Variants in SEZ6L observed in about 807,000 individuals in gnomAD.
SEZ6L encodes seizure 6-like protein.
SEZ6L carries 37 observed loss-of-function variants against 106.2 expected under a neutral mutation model. The observed-to-expected ratio is 0.35, with a 90% CI of 0.27 to 0.46. The LOEUF (loss-of-function observed/expected upper bound fraction) is 0.46, where lower values mean the gene tolerates loss of function less well. SEZ6L is among the 20% of genes least tolerant of loss of function. The probability of loss-of-function intolerance (pLI) is 1.00; values close to 1 mark genes in which losing one functional copy is unlikely to be tolerated. For missense variants in SEZ6L, 1,172 were observed against 1,332.8 expected, an observed-to-expected ratio of 0.88 and a Z score of 1.88; for synonymous variants, 541 against 570.4, an observed-to-expected ratio of 0.95 and a Z score of 0.73.
At chr22:26,274,706 T>C (rs2080484365) in intron 1 of SEZ6L, among the ~76,000 whole-genome samples, 1 of 151,974 alleles carries the variant, frequency 6.6e-6, no homozygotes, top group Admixed American at 6.6e-5. Context: ...TGAGGCAGAG[T>C]CCTAGAAACC....
At chr22:26,361,343 C>CAAAAAAAAAAAAAAAAA (rs150251826) in intron 12 of SEZ6L, among the ~76,000 whole-genome samples, 3 of 133,392 alleles carry the variant, frequency 2.2e-5, no homozygotes, top group Non-Finnish European at 4.8e-5. Flanking sequence ...ACTAAAAATA[C>CAAAAAAAAAAAAAAAAA]AAAAACAAAA....
At position 26,381,028 on chromosome 22, in the gene SEZ6L, A is replaced by AG. The variant is rs2084394726; in HGVS notation, c.*738dup. The AG allele has an allele frequency of 6.6e-6, 1 of 152,174 alleles. No homozygotes were observed. Among genetic ancestry groups the AG allele is most frequent in the Non-Finnish European group, 1.5e-5 (1 of 68,030 alleles). The allele number at this position is 152,174 out of a possible 1,614,324, so 9.4% of individuals were successfully genotyped here. On this transcript the variant is annotated 3_prime_UTR_variant, in exon 17 of 17. Transcript: ENST00000248933. ...GAGAGTTCCAATGAAGAATTGGGTG[A>AG]GGGGGATCATTGGGTAAGGGAATTG...
intron 12 of SEZ6L, among the ~76,000 whole-genome samples, chr22:26,358,282 G>C (rs684675): frequency 0.28 from 42,093 of 152,106 alleles, 6,724 homozygotes; most frequent in Middle Eastern, 0.45. Flanking sequence ...AAACCAGCAC[G>C]TCCAGGTTTG....
intron 1 of SEZ6L, among the ~76,000 whole-genome samples, chr22:26,252,015 G>A (rs1258791767): frequency 6.6e-6 from 1 of 152,062 alleles, no homozygotes; most frequent in Admixed American, 6.5e-5. Context: ...TGTGAATGGC[G>A]GCAGCAGGAG....
chr22:26,203,571 A>G (rs1477238824), intron 1 of SEZ6L, among the ~76,000 whole-genome samples: 2 of 152,204 alleles, frequency 1.3e-5, no homozygotes, highest in African/African-American at 2.4e-5. Flanking sequence ...CTTCCTATAT[A>G]AAATAAGGAT....
At chr22:26,305,890 CT>C in intron 5 of SEZ6L, 88 bp from the exon 6 acceptor site, 1 of 189,010 alleles carries the variant, frequency 5.3e-6, no homozygotes. Flanking sequence ...TCACTTCCTT[CT>C]CTCTCTCTCT....
chr22:26,307,478 TA>T (rs34235682), intron 6 of SEZ6L, among the ~76,000 whole-genome samples: 31,009 of 145,240 alleles, frequency 0.21, 3,490 homozygotes, highest in Non-Finnish European at 0.26. Context: ...TGGAAAGACT[TA>T]AAAAAAAAAA....
chr22:26,214,335 G>A (rs1355484351), intron 1 of SEZ6L, among the ~76,000 whole-genome samples: 1 of 152,200 alleles, frequency 6.6e-6, no homozygotes, highest in Admixed American at 6.5e-5. Flanking sequence ...GATTAAAGAA[G>A]TAGATGCATG....
At chr22:26,191,071 C>T (rs1233864630) in intron 1 of SEZ6L, among the ~76,000 whole-genome samples, 1 of 152,126 alleles carries the variant, frequency 6.6e-6, no homozygotes, top group African/African-American at 2.4e-5. Flanking sequence ...AGTGACTTGT[C>T]ATTGGTTGTA....
At chr22:26,353,520 GC>G (rs925417810) in intron 12 of SEZ6L, among the ~76,000 whole-genome samples, 6 of 152,202 alleles carry the variant, frequency 3.9e-5, no homozygotes, top group African/African-American at 1.4e-4. Context: ...ACTAAACCTA[GC>G]CCCTTAACCA....
At chr22:26,313,137 G>A (rs1485615773) in intron 8 of SEZ6L, among the ~76,000 whole-genome samples, 1 of 152,230 alleles carries the variant, frequency 6.6e-6, no homozygotes, top group Admixed American at 6.5e-5. Flanking sequence ...ACCTGCCGCA[G>A]CCACATCTCT....
At position 26,381,489 on chromosome 22, in the gene SEZ6L, G is replaced by A. The variant is rs2084409818; in HGVS notation, c.*1194G>A. 6.6e-6 allele frequency: 1 copy of A among 152,460 alleles called. No homozygotes were observed. Among genetic ancestry groups the A allele is most frequent in the Non-Finnish European group, 1.5e-5 (1 of 68,236 alleles). 9.4% of individuals were successfully genotyped at this position (152,460 alleles called of 1,614,324 possible). A position where few individuals can be genotyped will look rare whatever the true frequency, so the allele number is the denominator to read the frequency against. On this transcript the variant is annotated 3_prime_UTR_variant, in exon 17 of 17. Coordinates refer to ENST00000248933, the MANE Select transcript of SEZ6L (RefSeq NM_021115.5). Reference sequence around the variant, plus strand: ...TGACTGAGGAGGTGCAGAGAACAGGGGCAGGGGATTTTAAATCACAGCAGA... The same window carrying A: ...TGACTGAGGAGGTGCAGAGAACAGGAGCAGGGGATTTTAAATCACAGCAGA...
At chr22:26,297,655 C>G (rs972449324) in intron 4 of SEZ6L, among the ~76,000 whole-genome samples, 1 of 152,200 alleles carries the variant, frequency 6.6e-6, no homozygotes, top group Non-Finnish European at 1.5e-5. Context: ...TCTTCTTCCT[C>G]TACTGGTTTT....
chr22:26,346,276 A>G (rs2083004893), intron 10 of SEZ6L, among the ~76,000 whole-genome samples: 1 of 152,194 alleles, frequency 6.6e-6, no homozygotes, highest in South Asian at 2.1e-4. Flanking sequence ...TCCTGGGCTC[A>G]AGCAATCCTC....
At position 26,189,958 on chromosome 22, in the gene SEZ6L, G is replaced by T. The variant is rs9624994; in HGVS notation, c.94+20195G>T. The stretch of plus-strand genomic sequence containing the variant: ...TAAAAATACAAAAAATTAGCTGGGC[G>T]TGGTGGCGGGCACCTGTGGTCCCAG... On this transcript the variant is annotated intron_variant, in intron 1 of 16. Transcript: ENST00000248933. Among the ~76,000 whole-genome samples, 16 of 152,120 alleles carry T rather than the reference G, an allele frequency of 1.1e-4. 1 individual carries two copies. The South Asian group carries it at 3.3e-3, about 32-fold the overall frequency.
intron 9 of SEZ6L, among the ~76,000 whole-genome samples, chr22:26,333,282 G>A (rs1313069842): frequency 6.6e-6 from 1 of 152,226 alleles, no homozygotes; most frequent in Non-Finnish European, 1.5e-5. Context: ...CAGGCATGCA[G>A]GGTGTCAGGT....
Position 26,380,359 on chromosome 22 carries a change from A to G in SEZ6L, c.*64A>G, listed in dbSNP as rs898260228. 19 of 1,386,306 alleles carry G rather than the reference A, an allele frequency of 1.4e-5. No homozygotes were observed. The Admixed American group carries it at 3.2e-4, about 23-fold the overall frequency. 85.9% of individuals were successfully genotyped at this position (1,386,306 alleles called of 1,614,324 possible). On this transcript the variant is annotated 3_prime_UTR_variant, in exon 17 of 17. Coordinates refer to ENST00000248933, the MANE Select transcript of SEZ6L (RefSeq NM_021115.5). Reference sequence around the variant, plus strand: ...CACAATCTCCTCGAGACATTCATCCAGAGACCATGTGGCACTTGATTGAAA... The same window carrying G: ...CACAATCTCCTCGAGACATTCATCCGGAGACCATGTGGCACTTGATTGAAA...
chr22:26,305,993 G>A lies in SEZ6L; in HGVS notation c.1363G>A (p.Ala455Thr). Residue 455 changes from alanine to threonine, a missense_variant, in exon 6 of 17, where the codon GCA becomes ACA. Physicochemically the swap from Ala to Thr is moderately conservative, Grantham distance 58. Transcript: ENST00000248933. The part of the protein sequence containing the change: ...EPICSAPCGG[A>T]VHNATIGRVL... ...TTCTGGATCAGCTCCTTGTGGAGGG[G>A]CAGTGCACAATGCCACCATCGGCCG... 2 of 1,613,494 alleles carry A rather than the reference G, an allele frequency of 1.2e-6. No homozygotes were observed. The highest frequency in any genetic ancestry group is 1.1e-5 in the South Asian group (1 of 91,036).
intron 1 of SEZ6L, among the ~76,000 whole-genome samples, chr22:26,191,437 G>A (rs578158376): frequency 1.3e-5 from 2 of 152,256 alleles, no homozygotes; most frequent in East Asian, 3.9e-4. Flanking sequence ...CCTTTCCAGG[G>A]ACATGGATGG....
Sources: allele counts gnomAD v4.1 joint callset (sites outside exome capture counted in the v4.1 genomes callset), GRCh38; gene constraint gnomAD v4.1.1; transcripts MANE v1.5; gene names NCBI Gene and HGNC (gene_info 2026-07-23, HGNC 2026-07-21).